The following SOX6 variants were observed in gnomAD, a reference collection of about 807,000 sequenced individuals.
SOX6 encodes the protein SRY-box transcription factor 6.
Under a neutral mutation model 97.8 loss-of-function variants are expected in SOX6, and 11 were observed. The observed-to-expected ratio is 0.11, with a 90% CI of 0.07 to 0.19. The LOEUF is 0.19. Among genes scored for constraint, SOX6 ranks in the 10% least tolerant of loss-of-function variants. The probability of loss-of-function intolerance (pLI) is 1.00; values close to 1 mark genes in which losing one functional copy is unlikely to be tolerated. For missense variants in SOX6, 810 were observed against 1,039.5 expected (o/e 0.78, Z 3.04); for synonymous variants, 360 against 371.4 (o/e 0.97, Z 0.35).
chr11:16,211,449 A>G (rs1290767448), intron 4 of SOX6, among the ~76,000 whole-genome samples: 2 of 64,270 alleles, frequency 3.1e-5, no homozygotes, highest in Non-Finnish European at 6.7e-5. Context: ...TAATTTGAGG[A>G]GAGTTAAATT....
chr11:16,235,936 G>C (rs576829788), intron 3 of SOX6, among the ~76,000 whole-genome samples: 3 of 152,148 alleles, frequency 2.0e-5, no homozygotes, highest in Non-Finnish European at 4.4e-5. Context: ...AATCAAGGAA[G>C]GGATAGAATC....
At chr11:16,709,159 T>C (rs1050207823) in intron 3 of SOX6, among the ~76,000 whole-genome samples, 1 of 152,148 alleles carries the variant, frequency 6.6e-6, no homozygotes, top group Non-Finnish European at 1.5e-5. Flanking sequence ...GGAGCGGATC[T>C]CTCATGAATG....
intron 13 of SOX6, among the ~76,000 whole-genome samples, chr11:16,006,763 A>G (rs1204038383): frequency 2.0e-5 from 3 of 152,060 alleles, no homozygotes; most frequent in African/African-American, 7.2e-5. Flanking sequence ...TGTAATCCCA[A>G]CTACATTACT....
chr11:16,141,985 C>T (rs1004145786), intron 6 of SOX6, among the ~76,000 whole-genome samples: 8 of 152,206 alleles, frequency 5.3e-5, no homozygotes, highest in East Asian at 1.9e-4. Flanking sequence ...TGTCCCTGTC[C>T]GACAGCTTTG....
chr11:16,386,045 C>T (rs1857974229), intron 1 of SOX6, among the ~76,000 whole-genome samples: 2 of 152,130 alleles, frequency 1.3e-5, no homozygotes, highest in African/African-American at 2.4e-5. Context: ...CTCAAGCTCC[C>T]CCAGCCTTAT....
chr11:16,317,899 G>C, intron 3 of SOX6: 1 of 446,352 alleles, frequency 2.2e-6, no homozygotes, highest in African/African-American at 2.0e-5. Context: ...CTTGTACAGA[G>C]TAGAGAAGGT....
At chr11:16,424,486 G>T (rs1859085165) in intron 1 of SOX6, among the ~76,000 whole-genome samples, 1 of 152,292 alleles carries the variant, frequency 6.6e-6, no homozygotes, top group Admixed American at 6.5e-5. Context: ...AATGGATCCT[G>T]AATCTCCAAC....
intron 4 of SOX6, among the ~76,000 whole-genome samples, chr11:16,587,530 C>T (rs147323676): frequency 2.6e-5 from 4 of 152,228 alleles, no homozygotes; most frequent in East Asian, 3.9e-4. Context: ...TGTGTGGTAA[C>T]GGCTCAATAT....
chr11:16,598,605 A>G (rs1427206646), intron 4 of SOX6, among the ~76,000 whole-genome samples: 1 of 152,030 alleles, frequency 6.6e-6, no homozygotes, highest in African/African-American at 2.4e-5. Context: ...TGTAAAGTAT[A>G]AAATGTAGCA....
chr11:16,724,605 T>C (rs1158061170), intron 2 of SOX6, among the ~76,000 whole-genome samples: 1 of 152,148 alleles, frequency 6.6e-6, no homozygotes, highest in East Asian at 1.9e-4. Context: ...AACTCTGGGG[T>C]AGGGCTCAGC....
At chr11:15,989,680 TCTC>T (rs1032430889) in intron 13 of SOX6, among the ~76,000 whole-genome samples, 9 of 152,292 alleles carry the variant, frequency 5.9e-5, no homozygotes, top group South Asian at 2.1e-4. Context: ...AGAAGACACT[TCTC>T]CTACTCTTTC....
At chr11:16,595,572 A>T (rs1589999715) in intron 4 of SOX6, among the ~76,000 whole-genome samples, 1 of 140,564 alleles carries the variant, frequency 7.1e-6, no homozygotes, top group African/African-American at 2.7e-5. Flanking sequence ...GAAGTTCAAG[A>T]CCCCCCTGGG....
chr11:16,299,020 T>G (rs1219850260), intron 3 of SOX6, among the ~76,000 whole-genome samples: 1 of 152,194 alleles, frequency 6.6e-6, no homozygotes, highest in East Asian at 1.9e-4. Context: ...AGCAATATTT[T>G]CTTTTATTGT....
intron 3 of SOX6, among the ~76,000 whole-genome samples, chr11:16,644,710 T>C (rs1056736363): frequency 2.0e-5 from 3 of 152,196 alleles, no homozygotes; most frequent in African/African-American, 4.8e-5. Context: ...ACTCCACAGA[T>C]ACTTGAAAAG....
At chr11:16,091,617 T>A (rs1471659161) in intron 9 of SOX6, among the ~76,000 whole-genome samples, 1 of 152,068 alleles carries the variant, frequency 6.6e-6, no homozygotes, top group East Asian at 1.9e-4. Flanking sequence ...TGTGCTTGTA[T>A]TCATTTTTGC....
chr11:16,387,393 T>G (rs1375726884), intron 1 of SOX6, among the ~76,000 whole-genome samples: 1 of 152,018 alleles, frequency 6.6e-6, no homozygotes, highest in Non-Finnish European at 1.5e-5. Flanking sequence ...AGATGCAAGA[T>G]TTCATGAAGC....
chr11:16,221,984 G>A (rs1433000838), intron 4 of SOX6, among the ~76,000 whole-genome samples: 3 of 152,046 alleles, frequency 2.0e-5, no homozygotes, highest in Non-Finnish European at 4.4e-5. Flanking sequence ...GCCAAATTTG[G>A]TGAAGTATCA....
intron 6 of SOX6, among the ~76,000 whole-genome samples, chr11:16,154,435 A>G (rs909761550): frequency 6.6e-6 from 1 of 152,092 alleles, no homozygotes; most frequent in African/African-American, 2.4e-5. Context: ...TCTTTTTACC[A>G]TATTAAAACT....
intron 4 of SOX6, among the ~76,000 whole-genome samples, chr11:16,208,311 A>G (rs1232121665): frequency 6.6e-6 from 1 of 152,248 alleles, no homozygotes; most frequent in East Asian, 1.9e-4. Context: ...TGAATATAAT[A>G]TAGCCATACA....
Sources: gnomAD v4.1 joint callset for allele counts (sites outside exome capture counted in the v4.1 genomes callset) on GRCh38, gnomAD v4.1.1 for gene constraint, MANE v1.5 for transcripts, NCBI Gene and HGNC (gene_info 2026-07-23, HGNC 2026-07-21) for gene names.